Variants in NSD3 observed in about 807,000 individuals in gnomAD.
NSD3 encodes the protein histone-lysine N-methyltransferase NSD3.
Under a neutral mutation model 160.8 loss-of-function variants are expected in NSD3, and 24 were observed. That is an observed-to-expected ratio of 0.15 (90% CI 0.11 to 0.21). The LOEUF (loss-of-function observed/expected upper bound fraction) is 0.21, where lower values mean the gene tolerates loss of function less well. NSD3 is among the 10% of genes least tolerant of loss of function. The probability of loss-of-function intolerance (pLI) is 1.00; values close to 1 mark genes in which losing one functional copy is unlikely to be tolerated. For missense variants in NSD3, 1,157 were observed against 1,735.9 expected (o/e 0.67, Z 5.93); for synonymous variants, 520 against 600.0 (o/e 0.87, Z 1.95).
chr8:38,319,645 G>A lies in NSD3; in HGVS notation c.1810-705C>T, dbSNP rs1422251399. Reference sequence around the variant, plus strand: ...GAACCATTGGAATTAGAGAAAGGAGGCTGTTTGGAGGAGTTCCTGTTTAAG... The same window carrying A: ...GAACCATTGGAATTAGAGAAAGGAGACTGTTTGGAGGAGTTCCTGTTTAAG... On this transcript the variant is annotated intron_variant, in intron 8 of 23. Coordinates refer to ENST00000317025, the MANE Select transcript of NSD3 (RefSeq NM_023034.2). The surrounding 1 kb of genome is among the most constrained non-coding windows in gnomAD (Gnocchi z 4.1). 6.6e-6 allele frequency: 1 copy of A among 152,116 alleles called. No homozygotes were observed. Among genetic ancestry groups the A allele is most frequent in the East Asian group, 1.9e-4 (1 of 5,194 alleles). 9.4% of individuals were successfully genotyped at this position (152,116 alleles called of 1,614,324 possible).
At chr8:38,315,876 A>G in intron 10 of NSD3, 36 bp downstream of exon 10, 2 of 1,592,262 alleles carry the variant, frequency 1.3e-6, no homozygotes, top group Non-Finnish European at 1.7e-6. Flanking sequence ...TATGTTCAAG[A>G]AAGAACACTT....
chr8:38,352,637 ACT>A (rs1810729986), intron 1 of NSD3, among the ~76,000 whole-genome samples: 2 of 152,136 alleles, frequency 1.3e-5, no homozygotes, highest in African/African-American at 4.8e-5. Context: ...ATAGGGTCTC[ACT>A]CTGTTGCCCA....
At position 38,329,742 on chromosome 8, in the gene NSD3, G is replaced by A; in HGVS notation, c.1217C>T (p.Ala406Val). 1 of 1,614,062 alleles carries A rather than the reference G, an allele frequency of 6.2e-7. No homozygotes were observed. Among genetic ancestry groups the A allele is most frequent in the Non-Finnish European group, 8.5e-7 (1 of 1,179,988 alleles). Residue 406 changes from alanine (A) to valine (V), a missense_variant, in exon 6 of 24, where the codon GCA becomes GTA. Transcript: ENST00000317025. The surrounding 1 kb of genome is among the most constrained non-coding windows in gnomAD (Gnocchi z 4.8). ...DKQPEEALSQ[A>V]KKSVASKTEV... ...GGTTTTGGAGGCAACACTCTTTTTT[G>A]CTTGGGATAAAGCCTCTTCAGGCTG...
In NSD3 at chr8:38,289,275, TTAAC is replaced by T. The variant is rs1808939690; in HGVS notation, c.3231+114_3231+117del. ...AGTTTGCACAAGTCAAAGAGGGTCT[TTAAC>T]TACTAAAGAGTAATGCATTTCGTCT... On this transcript the variant is annotated intron_variant, in intron 18 of 23. Transcript: ENST00000317025. 6 of 951,658 alleles carry T rather than the reference TTAAC, an allele frequency of 6.3e-6. No individual in the cohort carries two copies. In the African/African-American group the frequency reaches 6.6e-5, roughly 11 times the overall value. 59.0% of individuals were successfully genotyped at this position (951,658 alleles called of 1,614,324 possible). A position where few individuals can be genotyped will look rare whatever the true frequency, so the allele number is the denominator to read the frequency against.
intron 1 of NSD3, among the ~76,000 whole-genome samples, chr8:38,362,640 A>G (rs1811004862): frequency 6.6e-6 from 1 of 152,192 alleles, no homozygotes; most frequent in Non-Finnish European, 1.5e-5. Context: ...AACTTTAAAC[A>G]TTTACATAAC....
chr8:38,305,728 A>C (rs763095161), intron 12 of NSD3, among the ~76,000 whole-genome samples: 3 of 152,252 alleles, frequency 2.0e-5, no homozygotes, highest in African/African-American at 4.8e-5. Context: ...GACATCTGGT[A>C]GCAGACAGCA....
chr8:38,289,834 T>G (rs1808956717), intron 17 of NSD3, among the ~76,000 whole-genome samples: 1 of 152,220 alleles, frequency 6.6e-6, no homozygotes, highest in Non-Finnish European at 1.5e-5. Context: ...CCAAACTTGC[T>G]GGCAACTCAT....
At chr8:38,351,578 G>A (rs2150385952) in intron 1 of NSD3, among the ~76,000 whole-genome samples, 1 of 150,990 alleles carries the variant, frequency 6.6e-6, no homozygotes, top group South Asian at 2.1e-4. Flanking sequence ...CAGGAGAATT[G>A]TTTGAACCCA....
In NSD3 at chr8:38,347,807, T is replaced by C; in HGVS notation, c.365A>G (p.His122Arg). ...YHSEIPNTRP[H>R]EILEKPSPPQ... ...AGGGGAAGGTTTTTCCAGAATTTCATGTGGTCTTGTGTTTGGAATTTCTGA... is the reference window on the plus strand; with the variant it reads ...AGGGGAAGGTTTTTCCAGAATTTCACGTGGTCTTGTGTTTGGAATTTCTGA... The change falls in exon 2 of 24, where the codon CAT becomes CGT. Residue 122 changes from histidine (H) to arginine (R), a missense_variant. Physicochemically the swap from His to Arg is conservative, Grantham distance 29 (BLOSUM62 0). Around this residue, in one of 10 missense-constraint regions of NSD3, gnomAD observed 121 missense variants for 177.2 expected, o/e 0.68. Coordinates refer to ENST00000317025, the MANE Select transcript of NSD3 (RefSeq NM_023034.2). 6.2e-7 allele frequency: 1 copy of C among 1,614,036 alleles called. No homozygotes were observed. Among genetic ancestry groups the C allele is most frequent in the Middle Eastern group, 1.6e-4 (1 of 6,062 alleles).
chr8:38,353,629 A>C (rs1162606200), intron 1 of NSD3, among the ~76,000 whole-genome samples: 1 of 152,086 alleles, frequency 6.6e-6, no homozygotes, highest in East Asian at 1.9e-4. Context: ...CCTAACTCCA[A>C]ATATTTCATT....
intron 1 of NSD3, among the ~76,000 whole-genome samples, chr8:38,381,231 C>T (rs1811543700): frequency 6.6e-6 from 1 of 152,074 alleles, no homozygotes; most frequent in Admixed American, 6.6e-5. Context: ...TTTCCTGCGT[C>T]TATTTCCCAT....
intron 17 of NSD3, 73 bp from the exon 18 acceptor site, chr8:38,289,578 C>T: frequency 3.0e-6 from 4 of 1,352,778 alleles, no homozygotes; most frequent in Non-Finnish European, 4.1e-6. Flanking sequence ...TAGTTTTACG[C>T]TGCCTTCCCA....
At chr8:38,297,936 T>A (rs1809194759) in intron 15 of NSD3, among the ~76,000 whole-genome samples, 3 of 152,134 alleles carry the variant, frequency 2.0e-5, no homozygotes, top group Admixed American at 2.0e-4. Context: ...ATTTTTAACA[T>A]TATGGAATAG....
Position 38,316,158 on chromosome 8 carries a change from T to C in NSD3, c.1856-116A>G, listed in dbSNP as rs902320997. On this transcript the variant is annotated intron_variant, in intron 9 of 23. Transcript: ENST00000317025. This position sits in a 1 kb window ranked among gnomAD's most constrained non-coding sequence, Gnocchi z 4.5. ...ACTCATCTTTAGTGTGGAAAAAGCATAGCTCTCTTTGTAACACTGAAATAA... is the reference window on the plus strand; with the variant it reads ...ACTCATCTTTAGTGTGGAAAAAGCACAGCTCTCTTTGTAACACTGAAATAA... 4 of 1,399,040 alleles carry C rather than the reference T, an allele frequency of 2.9e-6. No homozygotes were observed. The Admixed American group carries it at 9.2e-5, about 32-fold the overall frequency. The allele number at this position is 1,399,040 out of a possible 1,614,324, so 86.7% of individuals were successfully genotyped here. A position where few individuals can be genotyped will look rare whatever the true frequency, so the allele number is the denominator to read the frequency against.
At chr8:38,330,027 G>T in intron 5 of NSD3, 134 bp from the exon 6 acceptor site, 1 of 1,006,042 alleles carries the variant, frequency 9.9e-7, no homozygotes, top group Non-Finnish European at 1.4e-6. Flanking sequence ...TCAAACAAGT[G>T]GAATGTTCTA....
intron 1 of NSD3, among the ~76,000 whole-genome samples, chr8:38,367,030 T>C (rs904119315): frequency 6.6e-6 from 1 of 152,194 alleles, no homozygotes; most frequent in African/African-American, 2.4e-5. Context: ...TAAAGAAATC[T>C]GTTAATATTA....
chr8:38,278,286 C>A lies in NSD3; in HGVS notation c.3867+20G>T. 6.2e-7 allele frequency: 1 copy of A among 1,607,870 alleles called. No individual in the cohort carries two copies. The highest frequency in any genetic ancestry group is 8.5e-7 in the Non-Finnish European group (1 of 1,175,594). On this transcript the variant is annotated intron_variant, in intron 22 of 23. Transcript: ENST00000317025. Reference sequence around the variant, plus strand: ...CTCCTTATCGCCTGTTGACTGGGGGCGCTCCCCTGCAAGACTGACCTTTGG... The same window carrying A: ...CTCCTTATCGCCTGTTGACTGGGGGAGCTCCCCTGCAAGACTGACCTTTGG...
chr8:38,315,997 C>T lies in NSD3; in HGVS notation c.1901G>A (p.Ser634Asn). 1 of 1,613,330 alleles carries T rather than the reference C, an allele frequency of 6.2e-7. No individual in the cohort carries two copies. The highest frequency in any genetic ancestry group is 8.5e-7 in the Non-Finnish European group (1 of 1,179,988). The change falls in exon 10 of 24, where the codon AGT becomes AAT. Residue 634 changes from serine (S) to asparagine (N), a missense_variant. Around this residue, in one of 10 missense-constraint regions of NSD3, gnomAD observed 437 missense variants for 576.6 expected, o/e 0.76. Transcript: ENST00000317025. ...SDSCKPLKKR[S>N]RASTDVEMTS... The stretch of plus-strand genomic sequence containing the variant: ...CATTTCTACATCAGTTGAGGCGCGA[C>T]TCCTTTTCTTTAGAGGTTTACAGGA...
chr8:38,282,397 G>A (rs1022355961), intron 19 of NSD3, among the ~76,000 whole-genome samples: 1 of 152,186 alleles, frequency 6.6e-6, no homozygotes, highest in Non-Finnish European at 1.5e-5. Context: ...TTGGCTGGTC[G>A]CCGTGGCTCA....
Sources: allele counts gnomAD v4.1 joint callset (sites outside exome capture counted in the v4.1 genomes callset), GRCh38; gene constraint gnomAD v4.1.1; regional missense constraint gnomAD v4.1.1; non-coding constraint Gnocchi (gnomAD v3.1); transcripts MANE v1.5; gene names NCBI Gene and HGNC (gene_info 2026-07-23, HGNC 2026-07-21).